CCND3: variants seen among roughly 807,000 people sequenced by gnomAD.
CCND3 encodes cyclin D3.
In CCND3, 9 loss-of-function variants were observed where a neutral mutation model predicts 28.7. The ratio of observed to expected loss-of-function variants is 0.31; its 90% CI spans 0.19 to 0.55. The LOEUF (loss-of-function observed/expected upper bound fraction) is 0.55, where lower values mean the gene tolerates loss of function less well. CCND3 is among the 20% of genes least tolerant of loss of function. The pLI is 0.93. For missense variants in CCND3, 315 were observed against 385.8 expected, an observed-to-expected ratio of 0.82 and a Z score of 1.54; for synonymous variants, 164 against 163.9, an observed-to-expected ratio of 1.00 and a Z score of 0.00.
chr6:41,996,226 T>G (rs2127418566), intron 1 of CCND3, among the ~76,000 whole-genome samples: 1 of 151,296 alleles, frequency 6.6e-6, no homozygotes, highest in East Asian at 1.9e-4. Flanking sequence ...CTCGGCTCAC[T>G]GCAACCTCCG....
intron 1 of CCND3, among the ~76,000 whole-genome samples, chr6:42,027,738 TTTTG>T (rs906827419): frequency 3.6e-4 from 54 of 151,838 alleles, no homozygotes; most frequent in African/African-American, 1.1e-3. Context: ...CCTCAGTTTT[TTTTG>T]TTTGTTTGTT....
chr6:42,008,611 GAA>G (rs1763246811), intron 1 of CCND3, among the ~76,000 whole-genome samples: 1 of 152,196 alleles, frequency 6.6e-6, no homozygotes, highest in Non-Finnish European at 1.5e-5. Flanking sequence ...TAGGATTAGA[GAA>G]AATAAAGAGT....
chr6:42,000,796 A>T (rs1397565729), intron 1 of CCND3, among the ~76,000 whole-genome samples: 2 of 138,500 alleles, frequency 1.4e-5, no homozygotes, highest in Non-Finnish European at 3.1e-5. Context: ...CGAACTCCCG[A>T]CCTCAGGTGA....
At chr6:41,944,136 G>T (rs956651430), upstream of CCND3, among the ~76,000 whole-genome samples, 1 of 151,660 alleles carries the variant, frequency 6.6e-6, no homozygotes, top group Non-Finnish European at 1.5e-5. Context: ...TTGAAGACCA[G>T]CCTGGACAAC....
chr6:41,994,829 T>G (rs1367415116), intron 1 of CCND3, among the ~76,000 whole-genome samples: 2 of 152,050 alleles, frequency 1.3e-5, no homozygotes, highest in Non-Finnish European at 2.9e-5. Context: ...ATCTCAGCAC[T>G]TTGGGAGTCC....
At chr6:42,000,564 CTT>C (rs774090777) in intron 1 of CCND3, among the ~76,000 whole-genome samples, 5 of 85,516 alleles carry the variant, frequency 5.8e-5, no homozygotes, top group African/African-American at 2.5e-4. Flanking sequence ...TGAAACGAAT[CTT>C]TTTTTTTTTT....
upstream of CCND3, among the ~76,000 whole-genome samples, chr6:41,944,724 T>A (rs1239137650): frequency 6.6e-6 from 1 of 152,056 alleles, no homozygotes; most frequent in Non-Finnish European, 1.5e-5. Flanking sequence ...ACCTGGCAAA[T>A]TAGTTGCTGA....
intron 1 of CCND3, among the ~76,000 whole-genome samples, chr6:42,018,716 A>AC (rs1246046652): frequency 6.6e-6 from 1 of 151,746 alleles, no homozygotes; most frequent in Admixed American, 6.6e-5. Flanking sequence ...ACATGGAGAA[A>AC]CCCCATCTCT....
intron 1 of CCND3, among the ~76,000 whole-genome samples, chr6:41,952,462 G>A (rs1776339312): frequency 6.6e-6 from 1 of 152,234 alleles, no homozygotes; most frequent in Non-Finnish European, 1.5e-5. Flanking sequence ...TGTACCTGAG[G>A]CGTGAGGGAG....
chr6:42,009,371 G>T (rs1297248409), intron 1 of CCND3, among the ~76,000 whole-genome samples: 1 of 152,186 alleles, frequency 6.6e-6, no homozygotes, highest in South Asian at 2.1e-4. Context: ...CAGGGCTTTG[G>T]GAGGCCGAGG....
At chr6:41,985,477 C>CACA in intron 1 of CCND3, among the ~76,000 whole-genome samples, 1 of 152,106 alleles carries the variant, frequency 6.6e-6, no homozygotes, top group South Asian at 2.1e-4. Context: ...CCACACCTGG[C>CACA]TAATTTTGTG....
upstream of CCND3, among the ~76,000 whole-genome samples, chr6:41,945,469 G>A (rs558846986): frequency 1.2e-4 from 19 of 152,290 alleles, no homozygotes; most frequent in African/African-American, 3.1e-4. Flanking sequence ...AGCCGAGATC[G>A]TGCCATTGCA....
Position 42,048,383 on chromosome 6 carries a change from T to C in CCND3, c.-46+118A>G, listed in dbSNP as rs1764608592. The C allele has an allele frequency of 2.9e-6, 1 of 343,834 alleles. No individual in the cohort carries two copies. Among genetic ancestry groups the C allele is most frequent in the African/African-American group, 2.2e-5 (1 of 45,900 alleles). 21.3% of individuals were successfully genotyped at this position (343,834 alleles called of 1,614,324 possible). On this transcript the variant is annotated intron_variant, in intron 1 of 4. Coordinates refer to the CCND3 transcript ENST00000372988. This position sits in a 1 kb window ranked among gnomAD's most constrained non-coding sequence, Gnocchi z 4.7. ...AGTGAGCCAAGCTTTCGGTGCCAAC[T>C]AGGAAGTGATGAGGATGCGGCGACC...
chr6:41,987,425 G>T (rs1277141853), intron 1 of CCND3, among the ~76,000 whole-genome samples: 5 of 150,002 alleles, frequency 3.3e-5, no homozygotes, highest in Non-Finnish European at 7.4e-5. Flanking sequence ...TTAGATCTTT[G>T]GTATATTAAA....
At chr6:42,011,099 T>TGAAC (rs1207448666) in intron 1 of CCND3, 1 of 152,062 alleles carries the variant, frequency 6.6e-6, no homozygotes, top group Non-Finnish European at 1.5e-5. Flanking sequence ...AATGAATGAA[T>TGAAC]GAATGAATGA....
At chr6:42,014,943 T>C (rs1425411613) in intron 1 of CCND3, among the ~76,000 whole-genome samples, 1 of 152,218 alleles carries the variant, frequency 6.6e-6, no homozygotes, top group Non-Finnish European at 1.5e-5. Context: ...CAGCCATACA[T>C]ATCTTCACTA....
chr6:42,018,692 G>C (rs377068844), intron 1 of CCND3, among the ~76,000 whole-genome samples: 270 of 152,030 alleles, frequency 1.8e-3, no homozygotes, highest in African/African-American at 6.3e-3. Context: ...GGGAGTTCGA[G>C]ACCAGCCTGA....
upstream of CCND3, among the ~76,000 whole-genome samples, chr6:41,942,328 G>C (rs1776060470): frequency 6.6e-6 from 1 of 152,196 alleles, no homozygotes. Context: ...TGCAGATTCT[G>C]TGTTCTACAC....
chr6:42,032,604 G>GT (rs1470549645), intron 1 of CCND3, among the ~76,000 whole-genome samples: 1 of 152,238 alleles, frequency 6.6e-6, no homozygotes, highest in Non-Finnish European at 1.5e-5. Flanking sequence ...TCACAGTGAG[G>GT]TATCTTTTTA....
Sources: allele counts gnomAD v4.1 joint callset (sites outside exome capture counted in the v4.1 genomes callset), GRCh38; gene constraint gnomAD v4.1.1; non-coding constraint Gnocchi (gnomAD v3.1); transcripts MANE v1.5; gene names NCBI Gene and HGNC (gene_info 2026-07-23, HGNC 2026-07-21).